Variants in COMMD10 observed in about 807,000 individuals in gnomAD.
The protein encoded by COMMD10 is COMM domain-containing protein 10.
In COMMD10, 33 loss-of-function variants were observed where a neutral mutation model predicts 28.9. The observed-to-expected ratio is 1.14, with a 90% CI of 0.87 to 1.53. The LOEUF (loss-of-function observed/expected upper bound fraction) is 1.53, where lower values mean the gene tolerates loss of function less well. COMMD10 is among the 40% of genes most tolerant of loss of function. The pLI, the probability that COMMD10 is intolerant of heterozygous loss-of-function variation, is 0.00. For synonymous variants in COMMD10, 110 were observed against 81.7 expected (o/e 1.35, Z -1.87); for missense variants, 310 against 233.4 (o/e 1.33, Z -2.14).
rs548165177 is a variant in COMMD10, at chr5:116,194,155, A to C, written c.510+59977A>C. ...GACACAACCTACCAAAACCTCTGGG[A>C]TACAGCAAAGGTAGTGCTAAGAGGA... On this transcript the variant is annotated intron_variant, in intron 5 of 6. Transcript: ENST00000274458. Among the ~76,000 whole-genome samples the C allele has an allele frequency of 3.3e-5, 5 of 152,278 alleles. No individual in the cohort carries two copies. The East Asian group carries it at 9.7e-4, about 29-fold the overall frequency.
intron 4 of COMMD10, among the ~76,000 whole-genome samples, chr5:116,125,435 G>T (rs528548604): frequency 4.7e-4 from 72 of 152,292 alleles, no homozygotes; most frequent in African/African-American, 1.7e-3. Context: ...AGTCTGGTGG[G>T]TTTCCCTTTG....
chr5:116,177,174 C>T (rs1753542797), intron 5 of COMMD10, among the ~76,000 whole-genome samples: 1 of 151,876 alleles, frequency 6.6e-6, no homozygotes, highest in Non-Finnish European at 1.5e-5. Flanking sequence ...AGACAGGGAT[C>T]CAGTGGACAA....
intron 5 of COMMD10, among the ~76,000 whole-genome samples, chr5:116,140,003 A>G (rs147806935): frequency 3.7e-4 from 56 of 151,792 alleles, no homozygotes; most frequent in Admixed American, 1.1e-3. Flanking sequence ...TATCCTACAT[A>G]ACTGCAAGTT....
In COMMD10 at chr5:116,291,563, A is replaced by C; in HGVS notation, c.557A>C (p.Asp186Ala). Residue 186 changes from aspartate (D) to alanine (A), a missense_variant, in exon 6 of 7, where the codon GAT (aspartate) becomes GCT (alanine). Asp to Ala is a moderately radical substitution (Grantham distance 126). Coordinates refer to ENST00000274458, the MANE Select transcript of COMMD10 (RefSeq NM_016144.4). ...LVEFSHKELF[D>A]FYNKLETIQA... ...GAATTCAGTCACAAGGAGTTGTTTG[A>C]TTTCTATAACAAGGTCTGTATTTTT... is the stretch of plus-strand genomic sequence containing the variant. 1 of 1,587,316 alleles carries C rather than the reference A, an allele frequency of 6.3e-7. No homozygotes were observed. Among genetic ancestry groups the C allele is most frequent in the Non-Finnish European group, 8.6e-7 (1 of 1,160,760 alleles).
chr5:116,262,197 G>C (rs1276299640), intron 5 of COMMD10, among the ~76,000 whole-genome samples: 2 of 151,410 alleles, frequency 1.3e-5, no homozygotes, highest in Non-Finnish European at 2.9e-5. Context: ...TTTCTGTTTG[G>C]ATCTAGTTGT....
chr5:116,241,868 C>T (rs756848525), intron 5 of COMMD10, among the ~76,000 whole-genome samples: 6 of 151,758 alleles, frequency 4.0e-5, no homozygotes, highest in Admixed American at 2.0e-4. Context: ...CCACCCACCT[C>T]GGCCTCCCAA....
intron 5 of COMMD10, among the ~76,000 whole-genome samples, chr5:116,148,457 A>G (rs1385698260): frequency 6.6e-6 from 1 of 151,854 alleles, no homozygotes; most frequent in Non-Finnish European, 1.5e-5. Flanking sequence ...AATTTTACCC[A>G]TATTTAATGT....
At chr5:116,153,569 A>G (rs1416973736) in intron 5 of COMMD10, among the ~76,000 whole-genome samples, 1 of 152,118 alleles carries the variant, frequency 6.6e-6, no homozygotes, top group Non-Finnish European at 1.5e-5. Context: ...AATATGTGCC[A>G]GGTATTGTTC....
intron 5 of COMMD10, among the ~76,000 whole-genome samples, chr5:116,164,412 G>T (rs1411961189): frequency 8.5e-5 from 13 of 152,094 alleles, no homozygotes. Context: ...AATAAGTGGG[G>T]GTAATTGACA....
At chr5:116,146,846 G>C (rs1460080735) in intron 5 of COMMD10, among the ~76,000 whole-genome samples, 1 of 151,736 alleles carries the variant, frequency 6.6e-6, no homozygotes, top group African/African-American at 2.4e-5. Flanking sequence ...ATTGGGAGAA[G>C]GGAAGATTAT....
chr5:116,141,570 C>G (rs982850606), intron 5 of COMMD10, among the ~76,000 whole-genome samples: 8 of 151,688 alleles, frequency 5.3e-5, no homozygotes. Context: ...TTAATTATGT[C>G]ATCTTCAATT....
intron 5 of COMMD10, among the ~76,000 whole-genome samples, chr5:116,160,585 A>G (rs1752883995): frequency 6.6e-6 from 1 of 151,708 alleles, no homozygotes; most frequent in Non-Finnish European, 1.5e-5. Context: ...TAAAGATTTT[A>G]TTTGAAGAAA....
intron 4 of COMMD10, among the ~76,000 whole-genome samples, chr5:116,111,718 CAT>C (rs747962561): frequency 6.6e-6 from 1 of 152,006 alleles, no homozygotes; most frequent in Non-Finnish European, 1.5e-5. Context: ...GAGAATATCC[CAT>C]GTGTTGATGA....
intron 5 of COMMD10, among the ~76,000 whole-genome samples, chr5:116,210,879 T>C (rs925807783): frequency 2.6e-5 from 4 of 152,068 alleles, no homozygotes; most frequent in African/African-American, 9.7e-5. Flanking sequence ...CAAGTAATTG[T>C]CTTTAAAAAT....
Position 116,087,537 on chromosome 5 carries a change from G to C in COMMD10, c.82G>C (p.Gly28Arg). The C allele has an allele frequency of 1.2e-6, 2 of 1,613,034 alleles. No individual in the cohort carries two copies. The highest frequency in any genetic ancestry group is 1.7e-6 in the Non-Finnish European group (2 of 1,178,968). ...AVSLINAIDTGRFPRLLTRIL... is the reference protein window; with the variant it reads ...AVSLINAIDTRRFPRLLTRIL... Reference sequence around the variant, plus strand: ...GTCACTGATAAATGCAATAGATACAGGAAGATTTCCACGGTTGCTCACTCG... The same window carrying C: ...GTCACTGATAAATGCAATAGATACACGAAGATTTCCACGGTTGCTCACTCG... Residue 28 changes from glycine to arginine, a missense_variant, in exon 2 of 7, where the codon GGA becomes CGA. Physicochemically the swap from Gly to Arg is moderately radical, Grantham distance 125. Coordinates refer to ENST00000274458, the MANE Select transcript of COMMD10 (RefSeq NM_016144.4).
At chr5:116,185,498 C>T (rs183106205) in intron 5 of COMMD10, among the ~76,000 whole-genome samples, 13 of 151,868 alleles carry the variant, frequency 8.6e-5, no homozygotes, top group South Asian at 2.1e-4. Flanking sequence ...CCTTTTTCTC[C>T]GATGCCACCC....
chr5:116,256,852 G>T (rs1213226952), intron 5 of COMMD10, among the ~76,000 whole-genome samples: 1 of 151,622 alleles, frequency 6.6e-6, no homozygotes. Flanking sequence ...CAGCCACGTG[G>T]ATACTCTGTG....
intron 5 of COMMD10, among the ~76,000 whole-genome samples, chr5:116,182,406 G>T (rs1313334551): frequency 2.0e-5 from 3 of 152,046 alleles, no homozygotes; most frequent in African/African-American, 7.2e-5. Flanking sequence ...TGGGGAAGAG[G>T]TGTGGGGGGT....
At chr5:116,216,407 C>A (rs1561671487) in intron 5 of COMMD10, among the ~76,000 whole-genome samples, 1 of 152,164 alleles carries the variant, frequency 6.6e-6, no homozygotes, top group East Asian at 1.9e-4. Flanking sequence ...CTGATGTTGT[C>A]ATAGAGATAG....
Sources: allele counts gnomAD v4.1 joint callset (sites outside exome capture counted in the v4.1 genomes callset), GRCh38; gene constraint gnomAD v4.1.1; transcripts MANE v1.5; gene names NCBI Gene and HGNC (gene_info 2026-07-23, HGNC 2026-07-21).